The following CHD7 variants were observed in gnomAD, a reference collection of about 807,000 sequenced individuals.
CHD7 encodes the protein ATP-dependent chromatin remodeler CHD7.
CHD7 carries 24 observed loss-of-function variants against 307.3 expected under a neutral mutation model. That is an observed-to-expected ratio of 0.08 (90% CI 0.06 to 0.11). The LOEUF (loss-of-function observed/expected upper bound fraction) is 0.11, where lower values mean the gene tolerates loss of function less well. Ranked by LOEUF, CHD7 falls within the 10% of genes least tolerant of loss-of-function variation. The pLI, the probability that CHD7 is intolerant of heterozygous loss-of-function variation, is 1.00. For missense variants in CHD7, 3,106 were observed against 3,727.1 expected, an observed-to-expected ratio of 0.83 and a Z score of 4.34; for synonymous variants, 1,363 against 1,349.9, an observed-to-expected ratio of 1.01 and a Z score of -0.21.
At chr8:60,769,764 G>A (rs1184564475) in intron 2 of CHD7, among the ~76,000 whole-genome samples, 1 of 152,048 alleles carries the variant, frequency 6.6e-6, no homozygotes, top group Non-Finnish European at 1.5e-5. Flanking sequence ...CTAATACTGT[G>A]ACTTCAGTGA....
At chr8:60,835,189 A>C (rs1012582065) in intron 15 of CHD7, among the ~76,000 whole-genome samples, 1 of 152,214 alleles carries the variant, frequency 6.6e-6, no homozygotes, top group Non-Finnish European at 1.5e-5. Context: ...CCACCTAAGC[A>C]GTTGAAGGAA....
intron 3 of CHD7, 86 bp from the exon 4 acceptor site, chr8:60,794,900 A>G: frequency 1.6e-6 from 2 of 1,233,206 alleles, no homozygotes; most frequent in Non-Finnish European, 2.2e-6. Context: ...TGTCATTGAT[A>G]CTTTTGGGAT....
At chr8:60,719,925 G>C (rs945087620) in intron 1 of CHD7, among the ~76,000 whole-genome samples, 1 of 152,190 alleles carries the variant, frequency 6.6e-6, no homozygotes. Context: ...CTGATTGTAA[G>C]TATGCTTATT....
chr8:60,766,980 C>T (rs574209774), intron 2 of CHD7, among the ~76,000 whole-genome samples: 3 of 152,212 alleles, frequency 2.0e-5, no homozygotes, highest in East Asian at 1.9e-4. Flanking sequence ...AGGCCTGGAG[C>T]GCCCCAGAAA....
intron 1 of CHD7, among the ~76,000 whole-genome samples, chr8:60,720,464 A>C (rs1448547885): frequency 6.6e-6 from 1 of 152,160 alleles, no homozygotes; most frequent in Non-Finnish European, 1.5e-5. Context: ...GTCTTTTGCC[A>C]ATTTGATAGG....
In CHD7 at chr8:60,856,564, A is replaced by C. The variant is rs1263168679; in HGVS notation, c.7284A>C (p.Arg2428=). 6.2e-7 allele frequency: 1 copy of C among 1,614,030 alleles called. No individual in the cohort carries two copies. The highest frequency in any genetic ancestry group is 2.2e-5 in the East Asian group (1 of 44,888). ...RNLMEMVAQL[R]ESQVVSENGQ... is the part of the protein sequence containing the mutation. ...TCATGGAGATGGTTGCCCAGCTTCG[A>C]GAGTCTCAGGTGGTCTCAGAAAATG... The change falls in exon 34 of 38, where the codon CGA becomes CGC. Residue 2428 remains arginine, a synonymous_variant. Coordinates refer to ENST00000423902, the MANE Select transcript of CHD7 (RefSeq NM_017780.4).
At chr8:60,696,495 G>A (rs1347146798) in intron 1 of CHD7, among the ~76,000 whole-genome samples, 2 of 152,148 alleles carry the variant, frequency 1.3e-5, no homozygotes, top group East Asian at 3.8e-4. Flanking sequence ...CATGGGAGCA[G>A]TAACAGTACT....
At chr8:60,749,166 T>C (rs7833957) in intron 2 of CHD7, among the ~76,000 whole-genome samples, 33,468 of 150,688 alleles carry the variant, frequency 0.22, 6,193 homozygotes, top group African/African-American at 0.51. Flanking sequence ...AGATCAGGAG[T>C]TCGAGACTAG....
chr8:60,709,583 C>T (rs748245913), intron 1 of CHD7, among the ~76,000 whole-genome samples: 27 of 152,132 alleles, frequency 1.8e-4, no homozygotes, highest in Non-Finnish European at 3.2e-4. Flanking sequence ...TAATTTATAG[C>T]ATCAAGTCCA....
chr8:60,861,833 T>C (rs1242977116), intron 35 of CHD7: 1 of 168,108 alleles, frequency 5.9e-6, no homozygotes, highest in Non-Finnish European at 1.3e-5. Context: ...GACAGTCTCA[T>C]GTTGTTGATG....
intron 3 of CHD7, 75 bp from the exon 4 acceptor site, chr8:60,794,911 A>G (rs529602660): frequency 3.7e-6 from 5 of 1,341,164 alleles, no homozygotes; most frequent in African/African-American, 2.9e-5. Flanking sequence ...CTTTTGGGAT[A>G]TTAATGTGGG....
At position 60,741,261 on chromosome 8, in the gene CHD7, C is replaced by G. The variant is rs1345964408; in HGVS notation, c.-172C>G. 2.3e-5 allele frequency: 14 copies of G among 611,280 alleles called. No homozygotes were observed. The highest frequency in any genetic ancestry group is 3.8e-5 in the Non-Finnish European group (13 of 345,082). The allele number at this position is 611,280 out of a possible 1,614,324, so 37.9% of individuals were successfully genotyped here. ...CCCCACCCCAAACTCCCTTCCAGGACCTATATCCAGACTTTGCCTGACACT... is the reference window on the plus strand; with the variant it reads ...CCCCACCCCAAACTCCCTTCCAGGAGCTATATCCAGACTTTGCCTGACACT... On this transcript the variant is annotated splice_region_variant and 5_prime_UTR_variant, in exon 2 of 38. Transcript: ENST00000423902.
chr8:60,763,789 T>C (rs1258067588), intron 2 of CHD7, among the ~76,000 whole-genome samples: 1 of 152,056 alleles, frequency 6.6e-6, no homozygotes, highest in African/African-American at 2.4e-5. Context: ...CACCACTCAC[T>C]TGGACATCCT....
At chr8:60,731,526 A>G (rs1391714903) in intron 1 of CHD7, among the ~76,000 whole-genome samples, 1 of 152,208 alleles carries the variant, frequency 6.6e-6, no homozygotes, top group Non-Finnish European at 1.5e-5. Context: ...ACGTATCCCC[A>G]GGATGAAGGG....
intron 1 of CHD7, among the ~76,000 whole-genome samples, chr8:60,690,098 TAC>T (rs941561410): frequency 2.0e-5 from 3 of 152,150 alleles, no homozygotes; most frequent in African/African-American, 7.2e-5. Context: ...TCCGCAGTCA[TAC>T]ACTCAGTCAT....
chr8:60,837,321 T>G (rs1043482973), intron 17 of CHD7, among the ~76,000 whole-genome samples: 2 of 152,180 alleles, frequency 1.3e-5, no homozygotes, highest in Non-Finnish European at 2.9e-5. Flanking sequence ...TACCATAAAT[T>G]GGGTGGCTTA....
At chr8:60,689,953 G>C (rs988692835) in intron 1 of CHD7, among the ~76,000 whole-genome samples, 7 of 152,102 alleles carry the variant, frequency 4.6e-5, no homozygotes, top group African/African-American at 1.7e-4. Flanking sequence ...AGTTGCCTTC[G>C]AAAAAACTCA....
In CHD7 at chr8:60,781,062, G is replaced by C. The variant is rs754836392; in HGVS notation, c.1728G>C (p.Pro576=). ...PVPDMTQVSG[P]NAQLVKSDDY... is the part of the protein sequence containing the mutation. The stretch of plus-strand genomic sequence containing the variant: ...CGGATATGACTCAGGTTAGTGGACC[G>C]AATGCTCAGCTAGTGAAGAGTGATG... Residue 576 remains proline, a synonymous_variant, in exon 3 of 38, where the codon CCG becomes CCC. Coordinates refer to ENST00000423902, the MANE Select transcript of CHD7 (RefSeq NM_017780.4). The C allele has an allele frequency of 1.2e-6, 2 of 1,609,440 alleles. No homozygotes were observed. The highest frequency in any genetic ancestry group is 1.7e-6 in the Non-Finnish European group (2 of 1,178,448).
chr8:60,810,418 TAC>T (rs988884481), intron 7 of CHD7, among the ~76,000 whole-genome samples: 1 of 150,868 alleles, frequency 6.6e-6, no homozygotes, highest in African/African-American at 2.4e-5. Flanking sequence ...TGTATCGAGT[TAC>T]ACACACACTT....
Sources: allele counts gnomAD v4.1 joint callset (sites outside exome capture counted in the v4.1 genomes callset), GRCh38; gene constraint gnomAD v4.1.1; transcripts MANE v1.5; gene names NCBI Gene and HGNC (gene_info 2026-07-23, HGNC 2026-07-21).